ADAM32: variants seen among roughly 807,000 people sequenced by gnomAD.
The protein encoded by ADAM32 is ADAM metallopeptidase domain 32.
In ADAM32, 89 loss-of-function variants were observed where a neutral mutation model predicts 114.9. That is an observed-to-expected ratio of 0.77 (90% CI 0.65 to 0.92). ADAM32 has a LOEUF of 0.92. ADAM32 is among the 40% of genes least tolerant of loss of function. ADAM32 has a pLI of 0.00. For synonymous variants in ADAM32, 285 were observed against 307.5 expected, an observed-to-expected ratio of 0.93 and a Z score of 0.77; for missense variants, 870 against 932.8, an observed-to-expected ratio of 0.93 and a Z score of 0.88.
intron 17 of ADAM32, among the ~76,000 whole-genome samples, chr8:39,251,153 T>A (rs1811265186): frequency 6.6e-6 from 1 of 151,974 alleles, no homozygotes; most frequent in Non-Finnish European, 1.5e-5. Flanking sequence ...GATAGCATTT[T>A]GAAGTATTGA....
chr8:39,283,771 C>A (rs376323456), intron 24 of ADAM32, 147 bp downstream of exon 24: 38 of 241,608 alleles, frequency 1.6e-4, no homozygotes, highest in Non-Finnish European at 2.2e-4. Context: ...TTCTTTTATT[C>A]TTTTTTTTTT....
intron 1 of ADAM32, among the ~76,000 whole-genome samples, chr8:39,110,109 G>T (rs1175920884): frequency 6.6e-6 from 1 of 151,760 alleles, no homozygotes; most frequent in Non-Finnish European, 1.5e-5. Context: ...TTACTCTGTC[G>T]CCCAGGCTGG....
At chr8:39,234,996 T>TC (rs1284931615) in intron 16 of ADAM32, among the ~76,000 whole-genome samples, 2 of 152,006 alleles carry the variant, frequency 1.3e-5, no homozygotes, top group Non-Finnish European at 2.9e-5. Flanking sequence ...TTTCTCTCCT[T>TC]CCCCCCGCCC....
intron 3 of ADAM32, among the ~76,000 whole-genome samples, chr8:39,143,570 C>T (rs1803311350): frequency 6.6e-6 from 1 of 152,138 alleles, no homozygotes; most frequent in Non-Finnish European, 1.5e-5. Context: ...ATGCCTGATC[C>T]TTCCTCTGGA....
chr8:39,250,856 AC>A (rs2129450308), intron 17 of ADAM32, among the ~76,000 whole-genome samples: 1 of 152,054 alleles, frequency 6.6e-6, no homozygotes, highest in South Asian at 2.1e-4. Flanking sequence ...GCCTCTGGTA[AC>A]CACCCACCTA....
At chr8:39,219,851 T>G (rs1808830136) in intron 12 of ADAM32, among the ~76,000 whole-genome samples, 1 of 152,232 alleles carries the variant, frequency 6.6e-6, no homozygotes, top group South Asian at 2.1e-4. Flanking sequence ...TAGACTTGGT[T>G]TATGGTTGAG....
At chr8:39,148,382 C>T (rs1803632372) in intron 4 of ADAM32, among the ~76,000 whole-genome samples, 1 of 152,080 alleles carries the variant, frequency 6.6e-6, no homozygotes, top group South Asian at 2.1e-4. Context: ...GTTTTTCATC[C>T]TCATTTCCTT....
In ADAM32 at chr8:39,256,212, G is replaced by A. The variant is rs886461227; in HGVS notation, c.2006-975G>A. On this transcript the variant is annotated intron_variant, in intron 18 of 24. Coordinates refer to ENST00000379907, the MANE Select transcript of ADAM32 (RefSeq NM_145004.7). ...CTAACATTAAAATATCATAATTCAC[G>A]CTGAATACCTTTTAAAATTTCTCTT... is the stretch of plus-strand genomic sequence containing the variant. 2.6e-5 allele frequency among the ~76,000 whole-genome samples: 4 copies of A among 151,644 alleles called. No homozygotes were observed. The East Asian group carries it at 7.7e-4, about 29-fold the overall frequency.
intron 22 of ADAM32, among the ~76,000 whole-genome samples, chr8:39,278,976 A>C (rs1813261086): frequency 6.6e-6 from 1 of 151,762 alleles, no homozygotes; most frequent in Non-Finnish European, 1.5e-5. Context: ...CATTGATGAG[A>C]CCTTAGTTGT....
intron 11 of ADAM32, among the ~76,000 whole-genome samples, chr8:39,195,914 C>T (rs980361366): frequency 2.3e-4 from 35 of 152,132 alleles, no homozygotes; most frequent in African/African-American, 7.5e-4. Context: ...TTTGTTGGAT[C>T]TGTAGATCGC....
intron 13 of ADAM32, 65 bp from the exon 14 acceptor site, chr8:39,222,975 G>A (rs1809086124): frequency 3.7e-6 from 5 of 1,358,608 alleles, no homozygotes; most frequent in Non-Finnish European, 5.0e-6. Flanking sequence ...CAATTTTGAA[G>A]TAAATATTAA....
chr8:39,150,620 C>T (rs1464444090), intron 5 of ADAM32, among the ~76,000 whole-genome samples: 1 of 152,058 alleles, frequency 6.6e-6, no homozygotes, highest in Non-Finnish European at 1.5e-5. Context: ...AAATTTTCCA[C>T]CTTCATTTTG....
chr8:39,275,100 G>GCAT (rs1179718812), intron 21 of ADAM32, among the ~76,000 whole-genome samples: 1 of 152,170 alleles, frequency 6.6e-6, no homozygotes, highest in African/African-American at 2.4e-5. Context: ...TTTCCCTGAT[G>GCAT]CATCTCTGTG....
chr8:39,280,499 G>T (rs1813356095), intron 22 of ADAM32, among the ~76,000 whole-genome samples: 1 of 152,170 alleles, frequency 6.6e-6, no homozygotes, highest in African/African-American at 2.4e-5. Context: ...GGAGGCTGAA[G>T]AACAGGTTTA....
At chr8:39,271,460 C>CAA (rs33982521) in intron 20 of ADAM32, among the ~76,000 whole-genome samples, 27,430 of 109,766 alleles carry the variant, frequency 0.25, 2,829 homozygotes, top group East Asian at 0.36. Flanking sequence ...CTTAACCTTA[C>CAA]AAAAAAAAAA....
chr8:39,257,279 A>G lies in ADAM32; in HGVS notation c.2098A>G (p.Ile700Val), dbSNP rs1365085286. The part of the protein sequence containing the change: ...ALPILIVTTA[I>V]VLARKQLKKW... ...TCCTATTCTCATTGTAACAACCGCA[A>G]TAGTTTTGGCAAGGAAACAGTTGAA... The change falls in exon 19 of 25, where the codon ATA (isoleucine) becomes GTA (valine). Residue 700 changes from isoleucine to valine, a missense_variant. Ile to Val is a conservative substitution (Grantham distance 29). Transcript: ENST00000379907. The G allele has an allele frequency of 4.3e-6, 7 of 1,613,280 alleles. No individual in the cohort carries two copies. Among genetic ancestry groups the G allele is most frequent in the Non-Finnish European group, 1.7e-6 (2 of 1,179,466 alleles).
At chr8:39,278,769 G>T (rs1280667455) in intron 22 of ADAM32, among the ~76,000 whole-genome samples, 1 of 151,852 alleles carries the variant, frequency 6.6e-6, no homozygotes, top group Admixed American at 6.6e-5. Context: ...TTCATTATGG[G>T]TTTAGTTTCC....
chr8:39,268,149 T>C (rs954674418), intron 19 of ADAM32, among the ~76,000 whole-genome samples: 1 of 152,240 alleles, frequency 6.6e-6, no homozygotes, highest in African/African-American at 2.4e-5. Context: ...AGTAAGTGTA[T>C]GTTTAAATTC....
At chr8:39,239,445 G>GA in intron 16 of ADAM32, among the ~76,000 whole-genome samples, 1 of 152,188 alleles carries the variant, frequency 6.6e-6, no homozygotes, top group Middle Eastern at 3.4e-3. Context: ...ACAAAACCTT[G>GA]AAATACACCA....
Sources: allele counts gnomAD v4.1 joint callset (sites outside exome capture counted in the v4.1 genomes callset), GRCh38; gene constraint gnomAD v4.1.1; transcripts MANE v1.5; gene names NCBI Gene and HGNC (gene_info 2026-07-23, HGNC 2026-07-21).